The following DIP2C variants were observed in gnomAD, a reference collection of about 807,000 sequenced individuals.
The protein encoded by DIP2C is DIP2 acetate--CoA ligase C (putative).
DIP2C carries 33 observed loss-of-function variants against 192.4 expected under a neutral mutation model. The ratio of observed to expected loss-of-function variants is 0.17; its 90% CI spans 0.13 to 0.23. DIP2C has a LOEUF of 0.23. Ranked by LOEUF, DIP2C falls within the 10% of genes least tolerant of loss-of-function variation. DIP2C has a pLI of 1.00. For synonymous variants in DIP2C, 979 were observed against 864.1 expected (o/e 1.13, Z -2.33); for missense variants, 1,537 against 2,110.1 (o/e 0.73, Z 5.32).
chr10:468,530 G>A (rs2133421034), intron 3 of DIP2C, among the ~76,000 whole-genome samples: 1 of 152,324 alleles, frequency 6.6e-6, no homozygotes, highest in Middle Eastern at 3.4e-3. Context: ...GGAGGCCAAG[G>A]CAGGTGGATC....
At chr10:448,217 T>C (rs1420122070) in intron 3 of DIP2C, among the ~76,000 whole-genome samples, 47 of 80,438 alleles carry the variant, frequency 5.8e-4, no homozygotes, top group East Asian at 1.9e-3. Flanking sequence ...ACCCACTCAT[T>C]CCCGTCAATA....
chr10:327,672 T>C (rs1183510741), intron 30 of DIP2C, among the ~76,000 whole-genome samples: 1 of 152,188 alleles, frequency 6.6e-6, no homozygotes, highest in Non-Finnish European at 1.5e-5. Context: ...TAGCTGGGAC[T>C]GCAGACATGT....
intron 17 of DIP2C, among the ~76,000 whole-genome samples, chr10:382,150 C>G (rs4881199): frequency 0.56 from 84,611 of 152,084 alleles, 23,609 homozygotes; most frequent in East Asian, 0.71. Context: ...CTGAATTTAC[C>G]TACTTTAAAT....
intron 29 of DIP2C, among the ~76,000 whole-genome samples, chr10:335,078 C>T (rs567551971): frequency 1.3e-5 from 2 of 152,084 alleles, no homozygotes; most frequent in Middle Eastern, 3.2e-3. Context: ...TGAATACAGG[C>T]TATCTGACAC....
intron 19 of DIP2C, among the ~76,000 whole-genome samples, chr10:365,224 A>G (rs1201296403): frequency 1.3e-5 from 2 of 152,234 alleles, no homozygotes; most frequent in African/African-American, 4.8e-5. Context: ...ACATCTGTTC[A>G]GCCACATCCA....
At chr10:619,541 G>GCCCACCCTCCCA in intron 1 of DIP2C, among the ~76,000 whole-genome samples, 66 of 67,962 alleles carry the variant, frequency 9.7e-4, no homozygotes, top group African/African-American at 1.8e-3. Context: ...CCGCCCGCCC[G>GCCCACCCTCCCA]CCCTCCCACC....
intron 1 of DIP2C, among the ~76,000 whole-genome samples, chr10:625,971 A>G (rs943903394): frequency 3.3e-5 from 5 of 152,242 alleles, no homozygotes; most frequent in Non-Finnish European, 5.9e-5. Flanking sequence ...AAGCTGGGAC[A>G]CAGAGAACTG....
intron 29 of DIP2C, among the ~76,000 whole-genome samples, chr10:335,705 T>TAC (rs1163857627): frequency 2.0e-5 from 3 of 152,250 alleles, no homozygotes; most frequent in African/African-American, 7.2e-5. Flanking sequence ...CGCTGTGTGC[T>TAC]ACAGGCTTCA....
At chr10:606,339 C>T (rs965377651) in intron 1 of DIP2C, among the ~76,000 whole-genome samples, 1 of 150,828 alleles carries the variant, frequency 6.6e-6, no homozygotes, top group Non-Finnish European at 1.5e-5. Context: ...GCCCCGCTGC[C>T]GTAATTACCT....
At chr10:620,396 T>C (rs562297951) in intron 1 of DIP2C, among the ~76,000 whole-genome samples, 5 of 152,108 alleles carry the variant, frequency 3.3e-5, no homozygotes, top group South Asian at 2.1e-4. Context: ...CAAACCTACA[T>C]TGGACTCAAA....
intron 1 of DIP2C, among the ~76,000 whole-genome samples, chr10:602,809 G>A (rs928047444): frequency 2.0e-5 from 3 of 152,148 alleles, no homozygotes; most frequent in South Asian, 2.1e-4. Flanking sequence ...CCAGGGTGTC[G>A]ATCCTTTTTC....
intron 24 of DIP2C, among the ~76,000 whole-genome samples, chr10:354,004 G>T (rs928426937): frequency 6.6e-6 from 1 of 152,202 alleles, no homozygotes; most frequent in African/African-American, 2.4e-5. Flanking sequence ...CTTGGTCCAG[G>T]CCCAGCATCT....
chr10:628,193 G>A (rs1431528380), intron 1 of DIP2C, among the ~76,000 whole-genome samples: 2 of 152,148 alleles, frequency 1.3e-5, no homozygotes, highest in Non-Finnish European at 2.9e-5. Context: ...AGTGCTCTTC[G>A]TCACATTGCT....
rs1456018978 is a variant in DIP2C at position 554,279 on chromosome 10, G to C, written c.86-67749C>G. Among the ~76,000 whole-genome samples the C allele has an allele frequency of 2.6e-5, 4 of 152,344 alleles. No homozygotes were observed. In the East Asian group the frequency reaches 7.7e-4, roughly 29 times the overall value. The stretch of plus-strand genomic sequence containing the variant: ...AAAAAGTATATGCTTGTAACTGTAA[G>C]AGTGGTGAACAGGACAGAATTTCAC... On this transcript the variant is annotated intron_variant, in intron 1 of 36. Transcript: ENST00000280886.
chr10:468,008 C>T (rs1354162176), intron 3 of DIP2C, among the ~76,000 whole-genome samples: 2 of 152,150 alleles, frequency 1.3e-5, no homozygotes, highest in Non-Finnish European at 2.9e-5. Flanking sequence ...AGTAGCTCTA[C>T]TGCAAGATGA....
intron 4 of DIP2C, among the ~76,000 whole-genome samples, chr10:423,843 G>A (rs1026410951): frequency 3.3e-5 from 5 of 152,130 alleles, no homozygotes; most frequent in African/African-American, 7.2e-5. Flanking sequence ...GTTTTCCTCC[G>A]GGGCACACGA....
intron 4 of DIP2C, among the ~76,000 whole-genome samples, chr10:436,945 C>T (rs1244301239): frequency 7.0e-6 from 1 of 142,166 alleles, no homozygotes; most frequent in Non-Finnish European, 1.5e-5. Flanking sequence ...GTGATATGCT[C>T]CACCCACACC....
intron 22 of DIP2C, among the ~76,000 whole-genome samples, chr10:361,319 C>T (rs183759238): frequency 8.5e-5 from 13 of 152,304 alleles, no homozygotes; most frequent in Admixed American, 8.5e-4. Flanking sequence ...AGGTCACACT[C>T]CTGACCGCAG....
intron 1 of DIP2C, among the ~76,000 whole-genome samples, chr10:501,534 G>C (rs1845227537): frequency 6.6e-6 from 1 of 151,658 alleles, no homozygotes; most frequent in African/African-American, 2.4e-5. Context: ...AATTATAGAG[G>C]GAAGATGAGA....
Sources: gnomAD v4.1 joint callset for allele counts (sites outside exome capture counted in the v4.1 genomes callset) on GRCh38, gnomAD v4.1.1 for gene constraint, MANE v1.5 for transcripts, NCBI Gene and HGNC (gene_info 2026-07-23, HGNC 2026-07-21) for gene names.